WDR49: variants seen among roughly 807,000 people sequenced by gnomAD.
WDR49 encodes WD repeat domain 49.
Under a neutral mutation model 119.5 loss-of-function variants are expected in WDR49, and 107 were observed. The ratio of observed to expected loss-of-function variants is 0.90; its 90% CI spans 0.77 to 1.05. WDR49 has a LOEUF of 1.05. Ranked by LOEUF, WDR49 falls within the 50% of genes least tolerant of loss-of-function variation. WDR49 has a pLI of 0.00. For missense variants in WDR49, 1,240 were observed against 1,220.5 expected, an observed-to-expected ratio of 1.02 and a Z score of -0.24; for synonymous variants, 425 against 418.8, an observed-to-expected ratio of 1.01 and a Z score of -0.18.
At chr3:167,622,504 T>C (rs4131920) in intron 3 of WDR49, among the ~76,000 whole-genome samples, 41,172 of 152,126 alleles carry the variant, frequency 0.27, 5,889 homozygotes, top group African/African-American at 0.35. Flanking sequence ...AGTCCATTGA[T>C]ATAATTACTG....
At chr3:167,596,564 T>C (rs1715456923) in intron 7 of WDR49, among the ~76,000 whole-genome samples, 1 of 150,482 alleles carries the variant, frequency 6.6e-6, no homozygotes, top group South Asian at 2.1e-4. Flanking sequence ...GTTCATGTCC[T>C]TTGTAGGGAC....
At chr3:167,555,661 TC>T (rs1560283696) in intron 9 of WDR49, among the ~76,000 whole-genome samples, 1 of 152,126 alleles carries the variant, frequency 6.6e-6, no homozygotes, top group Non-Finnish European at 1.5e-5. Context: ...CCAACTGGTG[TC>T]CTCTGTAAAA....
chr3:167,581,594 C>T (rs1471299227), intron 7 of WDR49, among the ~76,000 whole-genome samples: 1 of 152,174 alleles, frequency 6.6e-6, no homozygotes, highest in East Asian at 1.9e-4. Flanking sequence ...CCCCTACTCC[C>T]AGCCAGAGGT....
At chr3:167,559,160 C>A (rs1713116575) in intron 9 of WDR49, among the ~76,000 whole-genome samples, 1 of 152,158 alleles carries the variant, frequency 6.6e-6, no homozygotes, top group African/African-American at 2.4e-5. Flanking sequence ...CCCTGAATAC[C>A]TAAACTTCTA....
intron 3 of WDR49, among the ~76,000 whole-genome samples, chr3:167,622,775 C>T (rs924440291): frequency 5.9e-5 from 9 of 152,096 alleles, no homozygotes; most frequent in Non-Finnish European, 1.2e-4. Context: ...CACTTCTTCT[C>T]AAGTGCACAG....
At chr3:167,593,120 T>C (rs536621143) in intron 7 of WDR49, among the ~76,000 whole-genome samples, 3 of 152,300 alleles carry the variant, frequency 2.0e-5, no homozygotes, top group African/African-American at 7.2e-5. Context: ...TATAGCCTTC[T>C]TGTATTTGGA....
intron 18 of WDR49, among the ~76,000 whole-genome samples, chr3:167,499,048 A>AATTTCTCTTTGC (rs1255617819): frequency 6.6e-6 from 1 of 152,186 alleles, no homozygotes; most frequent in African/African-American, 2.4e-5. Flanking sequence ...GAAACCATAG[A>AATTTCTCTTTGC]TTGCCCTCAC....
chr3:167,575,674 C>G (rs1714209058), intron 8 of WDR49, among the ~76,000 whole-genome samples: 1 of 152,306 alleles, frequency 6.6e-6, no homozygotes, highest in South Asian at 2.1e-4. Context: ...TTTGTTTTAG[C>G]TGGAATGCTG....
intron 7 of WDR49, among the ~76,000 whole-genome samples, chr3:167,593,887 A>G (rs1440741834): frequency 1.3e-5 from 2 of 152,216 alleles, no homozygotes; most frequent in East Asian, 3.9e-4. Flanking sequence ...GAATTGTCAC[A>G]AGATCTGATG....
At chr3:167,514,458 G>C (rs1234458218) in intron 16 of WDR49, among the ~76,000 whole-genome samples, 1 of 152,228 alleles carries the variant, frequency 6.6e-6, no homozygotes, top group East Asian at 1.9e-4. Context: ...CTAATGCAGT[G>C]TTAACAGAAA....
intron 7 of WDR49, among the ~76,000 whole-genome samples, chr3:167,591,453 T>C (rs929672196): frequency 2.0e-5 from 3 of 152,134 alleles, no homozygotes; most frequent in Admixed American, 6.5e-5. Context: ...TGATGTTTCT[T>C]TGTTGATTTT....
chr3:167,604,569 C>T lies in WDR49; in HGVS notation c.959-101G>A, dbSNP rs995997769. On this transcript the variant is annotated intron_variant, in intron 5 of 18. Transcript: ENST00000682715. ...AATATGGAAAGTTAAAAATTAAACT[C>T]AAACTATGATGATACAAACTGATAC... 19 of 1,200,652 alleles carry T rather than the reference C, an allele frequency of 1.6e-5. No individual in the cohort carries two copies. In the African/African-American group the frequency reaches 2.6e-4, roughly 17 times the overall value. 74.4% of individuals were successfully genotyped at this position (1,200,652 alleles called of 1,614,324 possible).
At chr3:167,581,273 C>T (rs1297823539) in intron 7 of WDR49, among the ~76,000 whole-genome samples, 1 of 152,054 alleles carries the variant, frequency 6.6e-6, no homozygotes, top group Non-Finnish European at 1.5e-5. Flanking sequence ...CAAGTGAATA[C>T]TGTATTACTT....
At chr3:167,592,036 C>A (rs776387522) in intron 7 of WDR49, among the ~76,000 whole-genome samples, 2 of 151,982 alleles carry the variant, frequency 1.3e-5, no homozygotes, top group Non-Finnish European at 2.9e-5. Context: ...GATTTAGTTT[C>A]TTGCTTTGTA....
chr3:167,549,859 T>A (rs1712446300), intron 10 of WDR49, among the ~76,000 whole-genome samples: 1 of 152,192 alleles, frequency 6.6e-6, no homozygotes. Context: ...CCATCTTGAA[T>A]TAATTTTTGT....
chr3:167,501,496 T>G (rs958520434), intron 17 of WDR49, among the ~76,000 whole-genome samples: 1 of 152,190 alleles, frequency 6.6e-6, no homozygotes, highest in East Asian at 1.9e-4. Context: ...AAAAACTCCG[T>G]GGAGTAGATT....
At chr3:167,550,973 C>G (rs1712524141) in intron 10 of WDR49, among the ~76,000 whole-genome samples, 1 of 151,904 alleles carries the variant, frequency 6.6e-6, no homozygotes, top group African/African-American at 2.4e-5. Context: ...ACAGATTCAA[C>G]CAGGTATTTG....
At chr3:167,648,052 G>T (rs778785001) in intron 2 of WDR49, among the ~76,000 whole-genome samples, 1 of 150,890 alleles carries the variant, frequency 6.6e-6, no homozygotes, top group Non-Finnish European at 1.5e-5. Flanking sequence ...CTTGTGGCCA[G>T]TGGAAATCAT....
At chr3:167,632,726 A>G (rs1433818081) in intron 2 of WDR49, among the ~76,000 whole-genome samples, 4 of 152,090 alleles carry the variant, frequency 2.6e-5, no homozygotes, top group African/African-American at 4.8e-5. Flanking sequence ...CCACACAATT[A>G]ATTCTTGCTT....
Sources: allele counts gnomAD v4.1 joint callset (sites outside exome capture counted in the v4.1 genomes callset), GRCh38; gene constraint gnomAD v4.1.1; transcripts MANE v1.5; gene names NCBI Gene and HGNC (gene_info 2026-07-23, HGNC 2026-07-21).